Variants in CTIF observed in about 807,000 individuals in gnomAD.
CTIF encodes cap binding complex dependent translation initiation factor.
A neutral mutation model predicts 66.0 loss-of-function variants in CTIF; 21 were observed. The observed-to-expected ratio is 0.32, with a 90% CI of 0.23 to 0.46. The LOEUF is 0.46. Ranked by LOEUF, CTIF falls within the 20% of genes least tolerant of loss-of-function variation. The probability of loss-of-function intolerance (pLI) is 1.00; values close to 1 mark genes in which losing one functional copy is unlikely to be tolerated. For missense variants in CTIF, 739 were observed against 812.7 expected, an observed-to-expected ratio of 0.91 and a Z score of 1.10; for synonymous variants, 345 against 326.4, an observed-to-expected ratio of 1.06 and a Z score of -0.62.
chr18:48,555,404 G>A (rs769192829), intron 1 of CTIF, among the ~76,000 whole-genome samples: 14 of 152,218 alleles, frequency 9.2e-5, no homozygotes, highest in Non-Finnish European at 1.6e-4. Flanking sequence ...CTAAGGTCAA[G>A]GGTGTTCAGA....
rs569611022 is a variant in CTIF, at chr18:48,691,542, A to C, written c.508-20077A>C. On this transcript the variant is annotated intron_variant, in intron 6 of 11. Coordinates refer to ENST00000256413, the MANE Select transcript of CTIF (RefSeq NM_014772.3). ...TGCTCAGTGACTCTTTGCCACCTGC[A>C]CCAGATAGAATCAGTCCTCTCCTAA... Among the ~76,000 whole-genome samples the C allele has an allele frequency of 2.0e-5, 3 of 152,282 alleles. No individual in the cohort carries two copies. The East Asian group carries it at 5.8e-4, about 29-fold the overall frequency.
intron 3 of CTIF, among the ~76,000 whole-genome samples, chr18:48,645,294 T>G (rs1333380690): frequency 8.2e-5 from 3 of 36,456 alleles, no homozygotes; most frequent in South Asian, 9.4e-4. Flanking sequence ...AAAAAAAAAA[T>G]CCCAATAAAA....
chr18:48,849,711 G>A (rs536268688), intron 10 of CTIF, among the ~76,000 whole-genome samples: 8 of 149,574 alleles, frequency 5.3e-5, no homozygotes, highest in East Asian at 2.0e-4. Flanking sequence ...TCAGCCTCCC[G>A]AGTAGCTGGG....
chr18:48,596,503 C>A (rs2089989597), intron 1 of CTIF, among the ~76,000 whole-genome samples: 1 of 150,348 alleles, frequency 6.7e-6, no homozygotes, highest in South Asian at 2.1e-4. Flanking sequence ...TTTTGGGAGA[C>A]AGAGTCTTGC....
At chr18:48,655,930 G>A (rs975128608) in intron 3 of CTIF, among the ~76,000 whole-genome samples, 11 of 152,218 alleles carry the variant, frequency 7.2e-5, no homozygotes, top group South Asian at 6.2e-4. Flanking sequence ...CTGCACAGTT[G>A]TGTATTCATA....
intron 9 of CTIF, among the ~76,000 whole-genome samples, chr18:48,770,586 G>T (rs1313232291): frequency 1.3e-5 from 2 of 152,250 alleles, no homozygotes; most frequent in Non-Finnish European, 2.9e-5. Context: ...AGACCAGCCT[G>T]CAGCTTCATG....
intron 9 of CTIF, among the ~76,000 whole-genome samples, chr18:48,801,828 A>T (rs538500755): frequency 9.9e-5 from 15 of 152,256 alleles, no homozygotes; most frequent in South Asian, 6.2e-4. Context: ...TCTTAGTAGA[A>T]CCTGGTCCAG....
rs554707147 is a variant in CTIF, at chr18:48,819,950, G to A, written c.1527+2574G>A. 2.6e-4 allele frequency among the ~76,000 whole-genome samples: 39 copies of A among 152,340 alleles called. 1 individual carries two copies. Among genetic ancestry groups the A allele is most frequent in the Admixed American group, 2.3e-3 (35 of 15,302 alleles). ...GCAAGGCATGGAGAGACAGCTAAGT[G>A]CACTAGGGACAACGAGGCCGGAGGA... On this transcript the variant is annotated intron_variant, in intron 10 of 11. Coordinates refer to ENST00000256413, the MANE Select transcript of CTIF (RefSeq NM_014772.3).
chr18:48,747,133 G>T (rs1467798939), intron 7 of CTIF, among the ~76,000 whole-genome samples: 1 of 152,196 alleles, frequency 6.6e-6, no homozygotes, highest in Non-Finnish European at 1.5e-5. Context: ...TGCAAAGGAA[G>T]ACTCCAAAGC....
At chr18:48,679,149 A>G (rs2091696789) in intron 6 of CTIF, among the ~76,000 whole-genome samples, 2 of 152,202 alleles carry the variant, frequency 1.3e-5, no homozygotes, top group African/African-American at 4.8e-5. Flanking sequence ...CCTAAAGCTC[A>G]CTCACTAGTC....
intron 2 of CTIF, chr18:48,621,385 C>T: frequency 4.9e-6 from 1 of 204,800 alleles, no homozygotes; most frequent in South Asian, 6.0e-5. Flanking sequence ...CCGGGCCCAG[C>T]CAGGAGGCCA....
intron 1 of CTIF, among the ~76,000 whole-genome samples, chr18:48,553,876 T>C (rs746000768): frequency 1.2e-4 from 19 of 152,050 alleles, no homozygotes; most frequent in Middle Eastern, 3.4e-3. Context: ...TTAGCCAGGA[T>C]GGTCTTAATC....
intron 1 of CTIF, among the ~76,000 whole-genome samples, chr18:48,557,734 A>G (rs1404081977): frequency 6.6e-6 from 1 of 152,256 alleles, no homozygotes; most frequent in Non-Finnish European, 1.5e-5. Flanking sequence ...CCAAGATCAC[A>G]GTGCTGGTAA....
At chr18:48,662,579 C>G (rs889671505) in intron 3 of CTIF, 3 of 151,342 alleles carry the variant, frequency 2.0e-5, no homozygotes, top group African/African-American at 7.3e-5. Flanking sequence ...GTGCCTGGCC[C>G]CTTCTGCTTG....
At chr18:48,758,607 T>G (rs184803183) in intron 8 of CTIF, among the ~76,000 whole-genome samples, 4 of 152,102 alleles carry the variant, frequency 2.6e-5, no homozygotes, top group Admixed American at 2.6e-4. Context: ...CATGAACCCC[T>G]CCAGCACACT....
chr18:48,788,025 C>T (rs1911870296), intron 9 of CTIF, among the ~76,000 whole-genome samples: 1 of 152,166 alleles, frequency 6.6e-6, no homozygotes, highest in Non-Finnish European at 1.5e-5. Flanking sequence ...CACTTCTTCT[C>T]CCTGTAAAAC....
chr18:48,597,127 G>A (rs769749245), intron 1 of CTIF, among the ~76,000 whole-genome samples: 2 of 152,206 alleles, frequency 1.3e-5, no homozygotes, highest in Non-Finnish European at 2.9e-5. Flanking sequence ...AACAGTGAAC[G>A]AAGAAGTGTA....
rs1057080631 is a variant in CTIF, at chr18:48,861,882, A to ATATT, written c.*2325_*2328dup. On this transcript the variant is annotated 3_prime_UTR_variant, in exon 12 of 12. Coordinates refer to ENST00000256413, the MANE Select transcript of CTIF (RefSeq NM_014772.3). ...TATAAATATGTATACATATATAAATATATTTTTAATTACATGTCGTGTCAC... is the reference window on the plus strand; with the variant it reads ...TATAAATATGTATACATATATAAATATATTTATTTTTAATTACATGTCGTGTCAC... The ATATT allele has an allele frequency of 1.3e-5, 2 of 152,172 alleles. No individual in the cohort carries two copies. Among genetic ancestry groups the ATATT allele is most frequent in the African/African-American group, 4.8e-5 (2 of 41,432 alleles). The allele number at this position is 152,172 out of a possible 1,614,324, so 9.4% of individuals were successfully genotyped here. A position where few individuals can be genotyped will look rare whatever the true frequency, so the allele number is the denominator to read the frequency against.
intron 3 of CTIF, among the ~76,000 whole-genome samples, chr18:48,647,975 A>G (rs2091080490): frequency 1.3e-5 from 2 of 152,006 alleles, no homozygotes; most frequent in Admixed American, 6.6e-5. Flanking sequence ...GGGGGTGTTG[A>G]TTTTCCCCAT....
Sources: gnomAD v4.1 joint callset for allele counts (sites outside exome capture counted in the v4.1 genomes callset) on GRCh38, gnomAD v4.1.1 for gene constraint, MANE v1.5 for transcripts, NCBI Gene and HGNC (gene_info 2026-07-23, HGNC 2026-07-21) for gene names.